The following CLYBL variants were observed in gnomAD, a reference collection of about 807,000 sequenced individuals.
CLYBL encodes the protein citramalyl-CoA lyase, mitochondrial.
CLYBL carries 31 observed loss-of-function variants against 38.9 expected under a neutral mutation model. The ratio of observed to expected loss-of-function variants is 0.80; its 90% CI spans 0.60 to 1.08. CLYBL has a LOEUF of 1.08. CLYBL is among the 50% of genes least tolerant of loss of function. The pLI is 0.00. For synonymous variants in CLYBL, 171 were observed against 158.6 expected (o/e 1.08, Z -0.59); for missense variants, 434 against 411.6 (o/e 1.05, Z -0.47).
chr13:99,714,706 G>A (rs904031922), intron 1 of CLYBL, among the ~76,000 whole-genome samples: 32 of 151,730 alleles, frequency 2.1e-4, no homozygotes, highest in Non-Finnish European at 4.1e-4. Flanking sequence ...CCAGCACTTT[G>A]GGAGGCCGAG....
chr13:99,698,210 C>T (rs749648021), intron 1 of CLYBL, among the ~76,000 whole-genome samples: 15 of 151,770 alleles, frequency 9.9e-5, no homozygotes, highest in Admixed American at 1.3e-4. Flanking sequence ...TTTGAGGTGC[C>T]GTCTTATTCT....
chr13:99,677,175 G>A (rs2047665960), intron 1 of CLYBL, among the ~76,000 whole-genome samples: 1 of 152,134 alleles, frequency 6.6e-6, no homozygotes, highest in South Asian at 2.1e-4. Flanking sequence ...ATGAGGGAGA[G>A]AATCTACCTG....
At chr13:99,842,939 A>AT (rs71215546) in intron 2 of CLYBL, among the ~76,000 whole-genome samples, 8,688 of 151,110 alleles carry the variant, frequency 0.057, 281 homozygotes, top group East Asian at 0.17. Flanking sequence ...AAAAAAAGGC[A>AT]TTTTTTTTTA....
chr13:99,754,087 C>CAAAAAAAAAAAAA (rs71121003), intron 1 of CLYBL, among the ~76,000 whole-genome samples: 2 of 45,416 alleles, frequency 4.4e-5, no homozygotes, highest in Non-Finnish European at 9.0e-5. Flanking sequence ...AACTCGGTCT[C>CAAAAAAAAAAAAA]AAAAAAAAAA....
chr13:99,615,840 G>T (rs1181224053), intron 1 of CLYBL, among the ~76,000 whole-genome samples: 2 of 151,640 alleles, frequency 1.3e-5, no homozygotes, highest in East Asian at 1.9e-4. Flanking sequence ...ATTTTTTGTT[G>T]TTGTTTATTT....
chr13:99,888,197 T>C (rs184787908), intron 7 of CLYBL, among the ~76,000 whole-genome samples: 107 of 152,336 alleles, frequency 7.0e-4, no homozygotes, highest in Non-Finnish European at 1.1e-3. Flanking sequence ...TCTGGAGATC[T>C]GTAGCACAAT....
At chr13:99,885,210 C>T (rs2052320213) in intron 7 of CLYBL, 2 of 415,808 alleles carry the variant, frequency 4.8e-6, no homozygotes, top group Non-Finnish European at 4.9e-6. Flanking sequence ...ATACAGAGAG[C>T]TGTACAGGGA....
intron 1 of CLYBL, among the ~76,000 whole-genome samples, chr13:99,681,770 A>G (rs1171099593): frequency 6.6e-6 from 1 of 151,960 alleles, no homozygotes; most frequent in East Asian, 1.9e-4. Context: ...TATTTTTAGC[A>G]GAGACGGGGT....
chr13:99,731,243 A>C (rs1223501072), intron 1 of CLYBL, among the ~76,000 whole-genome samples: 3 of 152,074 alleles, frequency 2.0e-5, no homozygotes, highest in African/African-American at 7.2e-5. Context: ...TTGAAGTAGC[A>C]AAGCCTTCTT....
intron 1 of CLYBL, among the ~76,000 whole-genome samples, chr13:99,665,463 T>A (rs1279670630): frequency 1.3e-5 from 2 of 151,970 alleles, no homozygotes; most frequent in African/African-American, 4.8e-5. Flanking sequence ...AGAATTAATA[T>A]AAAGAAAACA....
At chr13:99,808,448 A>G (rs930542494) in intron 2 of CLYBL, among the ~76,000 whole-genome samples, 1 of 152,146 alleles carries the variant, frequency 6.6e-6, no homozygotes, top group Non-Finnish European at 1.5e-5. Flanking sequence ...TATCTGGCCC[A>G]TAAGCAACTT....
chr13:99,874,742 A>G (rs2051996421), intron 7 of CLYBL, among the ~76,000 whole-genome samples: 1 of 152,196 alleles, frequency 6.6e-6, no homozygotes, highest in African/African-American at 2.4e-5. Flanking sequence ...TTAGTGCTAA[A>G]GTTTTTATCT....
chr13:99,771,660 C>A (rs947283732), intron 1 of CLYBL, among the ~76,000 whole-genome samples: 4 of 152,106 alleles, frequency 2.6e-5, no homozygotes, highest in Non-Finnish European at 5.9e-5. Context: ...GCCAAAGGAG[C>A]TTCTGGCCAA....
chr13:99,768,602 C>T (rs2049321572), intron 1 of CLYBL, among the ~76,000 whole-genome samples: 2 of 149,434 alleles, frequency 1.3e-5, no homozygotes, highest in Admixed American at 1.3e-4. Flanking sequence ...ACCTCCGCCT[C>T]CCAGGTTCAA....
chr13:99,842,834 G>A (rs533832013), intron 2 of CLYBL, among the ~76,000 whole-genome samples: 32 of 152,254 alleles, frequency 2.1e-4, no homozygotes, highest in African/African-American at 9.6e-5. Context: ...TCGAGCCCAG[G>A]AGTTTGAGGC....
chr13:99,637,127 G>A (rs115316044), intron 1 of CLYBL, among the ~76,000 whole-genome samples: 4,492 of 152,250 alleles, frequency 0.03, 235 homozygotes, highest in African/African-American at 0.1. Flanking sequence ...TGATCTGCCC[G>A]CCTCCCAAAG....
In CLYBL at chr13:99,794,581, T is replaced by TTTATTA. The variant is rs1221444900; in HGVS notation, c.249+21592_249+21597dup. ...AACAGTATTAAATACTATATTTTCA[T>TTTATTA]TTATTATTATTATTATTATTATTAT... On this transcript the variant is annotated intron_variant, in intron 2 of 8. Coordinates refer to ENST00000339105, the MANE Select transcript of CLYBL (RefSeq NM_206808.5). Among the ~76,000 whole-genome samples, 840 of 143,848 alleles carry TTTATTA rather than the reference T, an allele frequency of 5.8e-3. 10 individuals are homozygous for TTTATTA. Among genetic ancestry groups the TTTATTA allele is most frequent in the African/African-American group, 0.017 (667 of 38,718 alleles). 94.4% of individuals were successfully genotyped at this position (143,848 alleles called of 152,430 possible).
intron 1 of CLYBL, among the ~76,000 whole-genome samples, chr13:99,741,437 C>T (rs2048753257): frequency 6.6e-6 from 1 of 152,202 alleles, no homozygotes. Context: ...AACCTTCATC[C>T]ATCGAGGGCT....
intron 2 of CLYBL, among the ~76,000 whole-genome samples, chr13:99,792,875 A>G (rs1056294507): frequency 6.6e-6 from 1 of 151,860 alleles, no homozygotes; most frequent in Non-Finnish European, 1.5e-5. Context: ...ATTCAAAGTT[A>G]TTGGCTTATT....
Sources: gnomAD v4.1 joint callset for allele counts (sites outside exome capture counted in the v4.1 genomes callset) on GRCh38, gnomAD v4.1.1 for gene constraint, MANE v1.5 for transcripts, NCBI Gene and HGNC (gene_info 2026-07-23, HGNC 2026-07-21) for gene names.